Variants in EIF4G3 observed in about 807,000 individuals in gnomAD.
EIF4G3 encodes eIF-4-gamma 3.
EIF4G3 carries 34 observed loss-of-function variants against 186.4 expected under a neutral mutation model. The observed-to-expected ratio is 0.18, with a 90% CI of 0.14 to 0.24. EIF4G3 has a LOEUF of 0.24. Ranked by LOEUF, EIF4G3 falls within the 10% of genes least tolerant of loss-of-function variation. The probability of loss-of-function intolerance (pLI) is 1.00; values close to 1 mark genes in which losing one functional copy is unlikely to be tolerated. For synonymous variants in EIF4G3, 673 were observed against 679.5 expected, an observed-to-expected ratio of 0.99 and a Z score of 0.15; for missense variants, 1,536 against 1,948.5, an observed-to-expected ratio of 0.79 and a Z score of 3.99.
chr1:20,969,404 A>C, intron 12 of EIF4G3, 70 bp downstream of exon 12: 6 of 1,558,464 alleles, frequency 3.8e-6, no homozygotes, highest in Non-Finnish European at 5.3e-6. Flanking sequence ...AAGTGGCTAT[A>C]GAAGAAAGAA....
At chr1:21,126,043 C>T (rs2097034976) in intron 2 of EIF4G3, among the ~76,000 whole-genome samples, 1 of 151,012 alleles carries the variant, frequency 6.6e-6, no homozygotes, top group African/African-American at 2.4e-5. Flanking sequence ...GTCTCTACAA[C>T]AATTACAAAA....
intron 18 of EIF4G3, among the ~76,000 whole-genome samples, chr1:20,887,754 ACAG>A (rs1460550045): frequency 6.6e-6 from 1 of 152,194 alleles, no homozygotes; most frequent in Admixed American, 6.5e-5. Context: ...CCAACAGGGA[ACAG>A]TTGTTAAACC....
intron 14 of EIF4G3, among the ~76,000 whole-genome samples, chr1:20,927,318 A>T (rs901042682): frequency 1.3e-5 from 2 of 152,208 alleles, no homozygotes; most frequent in African/African-American, 2.4e-5. Context: ...CAAAAAGATT[A>T]AAAAATAATA....
chr1:21,050,902 C>A lies in EIF4G3; in HGVS notation c.-103G>T, dbSNP rs766861150. 2 of 713,566 alleles carry A rather than the reference C, an allele frequency of 2.8e-6. No individual in the cohort carries two copies. Among genetic ancestry groups the A allele is most frequent in the Admixed American group, 2.1e-5 (1 of 48,754 alleles). The allele number at this position is 713,566 out of a possible 1,614,324, so 44.2% of individuals were successfully genotyped here. On this transcript the variant is annotated 5_prime_UTR_variant, in exon 4 of 37. Transcript: ENST00000602326. ...CAGGGGACGATGCATGTCCCGGGGG[C>A]GTTGCCGCAAGATTTGGATGCCCCT...
chr1:20,910,506 C>G (rs1014174952), intron 14 of EIF4G3, among the ~76,000 whole-genome samples: 1 of 152,128 alleles, frequency 6.6e-6, no homozygotes, highest in African/African-American at 2.4e-5. Context: ...ATCACTTGAA[C>G]CTGGGAGGTG....
chr1:20,889,613 C>T (rs1279023597), intron 18 of EIF4G3, among the ~76,000 whole-genome samples: 1 of 152,134 alleles, frequency 6.6e-6, no homozygotes, highest in African/African-American at 2.4e-5. Flanking sequence ...GCCTCAGCCT[C>T]CCGAGTAGCT....
chr1:20,928,221 AATTT>A (rs1402146181), intron 14 of EIF4G3, among the ~76,000 whole-genome samples: 4 of 152,156 alleles, frequency 2.6e-5, no homozygotes, highest in Non-Finnish European at 4.4e-5. Context: ...TTGTTGTATA[AATTT>A]ATTTATACAA....
Position 20,864,782 on chromosome 1 carries a change from A to G in EIF4G3, c.2770-70T>C, listed in dbSNP as rs141801599. On this transcript the variant is annotated intron_variant, in intron 21 of 36. Transcript: ENST00000602326. ...TACTGCACAATAAACACTGAGATTC[A>G]TGGGGTCAGAATCCCCGTGAGAATC... 2.2e-4 allele frequency: 287 copies of G among 1,277,800 alleles called. No homozygotes were observed. In the African/African-American group the frequency reaches 3.8e-3, roughly 17 times the overall value. The allele number at this position is 1,277,800 out of a possible 1,614,324, so 79.2% of individuals were successfully genotyped here.
chr1:21,088,621 T>A (rs1219800809), intron 3 of EIF4G3, among the ~76,000 whole-genome samples: 1 of 152,104 alleles, frequency 6.6e-6, no homozygotes, highest in Non-Finnish European at 1.5e-5. Context: ...TCCCAGCACG[T>A]TGGGAGGCCA....
At position 20,886,251 on chromosome 1, in the gene EIF4G3, T is replaced by C. The variant is rs767570490; in HGVS notation, c.2374A>G (p.Ser792Gly). 1 of 1,614,076 alleles carries C rather than the reference T, an allele frequency of 6.2e-7. No individual in the cohort carries two copies. Among genetic ancestry groups the C allele is most frequent in the East Asian group, 2.2e-5 (1 of 44,874 alleles). ...LKKAENAWKPSQKRDSQADDP... is the reference protein window; with the variant it reads ...LKKAENAWKPGQKRDSQADDP... The stretch of plus-strand genomic sequence containing the variant: ...TCGGCTTGGCTGTCTCGTTTTTGGC[T>C]TGGCTTCCAGGCATTTTCTGCCTTT... The change falls in exon 19 of 37, where the codon AGC (serine) becomes GGC (glycine). Residue 792 changes from serine (S) to glycine (G), a missense_variant. By Grantham distance (56) the Ser-to-Gly change is moderately conservative (BLOSUM62 0). Coordinates refer to ENST00000602326, the MANE Select transcript of EIF4G3 (RefSeq NM_001391906.1).
intron 12 of EIF4G3, among the ~76,000 whole-genome samples, chr1:20,967,967 T>A (rs183021061): frequency 6.6e-6 from 1 of 152,056 alleles, no homozygotes; most frequent in African/African-American, 2.4e-5. Flanking sequence ...CTTTAGACAA[T>A]TTTTTTTAAG....
chr1:20,856,914 G>A (rs2075076631), intron 25 of EIF4G3, among the ~76,000 whole-genome samples: 1 of 152,110 alleles, frequency 6.6e-6, no homozygotes, highest in Non-Finnish European at 1.5e-5. Context: ...TGTAATCCCA[G>A]CACTTTGGGA....
intron 2 of EIF4G3, among the ~76,000 whole-genome samples, chr1:21,170,252 T>G (rs2097931857): frequency 6.6e-6 from 1 of 152,126 alleles, no homozygotes; most frequent in Admixed American, 6.6e-5. Flanking sequence ...TGTCAAGCAG[T>G]ATTCTAGGTG....
In EIF4G3 at chr1:20,899,788, A is replaced by T; in HGVS notation, c.1908T>A (p.Gly636=). ...CTTCACCCTCAGAAACACTCTCAGCACCATTACGTACTGGCTCAGCTTCTT... is the reference window on the plus strand; with the variant it reads ...CTTCACCCTCAGAAACACTCTCAGCTCCATTACGTACTGGCTCAGCTTCTT... ...NGEEAEPVRN[G]AESVSEGEGI... Residue 636 remains glycine (G), a synonymous_variant, in exon 16 of 37, where the codon GGT becomes GGA. Coordinates refer to ENST00000602326, the MANE Select transcript of EIF4G3 (RefSeq NM_001391906.1). The T allele has an allele frequency of 6.2e-7, 1 of 1,614,064 alleles. No individual in the cohort carries two copies. The highest frequency in any genetic ancestry group is 8.5e-7 in the Non-Finnish European group (1 of 1,179,994).
chr1:20,941,240 C>T (rs1028325118), intron 14 of EIF4G3: 2 of 1,537,656 alleles, frequency 1.3e-6, no homozygotes, highest in African/African-American at 1.4e-5. Flanking sequence ...CAAAACCCAA[C>T]ATGTTTCGTG....
intron 14 of EIF4G3, among the ~76,000 whole-genome samples, chr1:20,934,947 C>T (rs1441262103): frequency 7.9e-5 from 12 of 152,126 alleles, no homozygotes; most frequent in Non-Finnish European, 1.2e-4. Flanking sequence ...TTTTACAGCA[C>T]TTAAAACTTC....
chr1:21,104,757 T>G (rs1219355673), intron 2 of EIF4G3, among the ~76,000 whole-genome samples: 1 of 152,160 alleles, frequency 6.6e-6, no homozygotes, highest in Non-Finnish European at 1.5e-5. Flanking sequence ...AAAAGACACA[T>G]GCACAGGTAT....
Position 21,063,707 on chromosome 1 carries a change from G to T in EIF4G3, c.-195-12713C>A, listed in dbSNP as rs868601181. On this transcript the variant is annotated intron_variant, in intron 3 of 36. Transcript: ENST00000602326. The stretch of plus-strand genomic sequence containing the variant: ...TTTTCCTGTCATACTTTTCATTTTG[G>T]GGGGGGGGGTGTTGGGGGGGGGGAC... Among the ~76,000 whole-genome samples the T allele has an allele frequency of 3.4e-3, 66 of 19,330 alleles. No individual in the cohort carries two copies. The East Asian group carries it at 0.1, about 29-fold the overall frequency. 12.7% of individuals were successfully genotyped at this position (19,330 alleles called of 152,430 possible).
chr1:20,956,617 C>CAAAAAAAAAAAAAAAAAAAAAAAAAAAA (rs61623629), intron 12 of EIF4G3, among the ~76,000 whole-genome samples: 1 of 114,574 alleles, frequency 8.7e-6, no homozygotes. Flanking sequence ...GTATAATTTA[C>CAAAAAAAAAAAAAAAAAAAAAAAAAAAA]AAAAAAAAAA....
Sources: allele counts gnomAD v4.1 joint callset (sites outside exome capture counted in the v4.1 genomes callset), GRCh38; gene constraint gnomAD v4.1.1; transcripts MANE v1.5; gene names NCBI Gene and HGNC (gene_info 2026-07-23, HGNC 2026-07-21).